Variants in CNTLN observed in about 807,000 individuals in gnomAD.
CNTLN encodes centlein.
A neutral mutation model predicts 180.0 loss-of-function variants in CNTLN; 212 were observed. That is an observed-to-expected ratio of 1.18 (90% CI 1.05 to 1.32). CNTLN has a LOEUF of 1.32. CNTLN is among the 40% of genes most tolerant of loss of function. CNTLN has a pLI of 0.00. For missense variants in CNTLN, 2,095 were observed against 1,610.9 expected (o/e 1.30, Z -5.14); for synonymous variants, 722 against 563.1 (o/e 1.28, Z -3.99).
intron 2 of CNTLN, among the ~76,000 whole-genome samples, chr9:17,173,042 G>A (rs563368629): frequency 6.6e-6 from 1 of 152,296 alleles, no homozygotes; most frequent in East Asian, 1.9e-4. Context: ...AATGGCTTCA[G>A]CATCAGTGAA....
At chr9:17,157,290 T>C (rs1819363586) in intron 2 of CNTLN, among the ~76,000 whole-genome samples, 1 of 152,212 alleles carries the variant, frequency 6.6e-6, no homozygotes, top group African/African-American at 2.4e-5. Context: ...CAAATATTAG[T>C]AATGATTTAT....
At chr9:17,250,734 T>C (rs1462021188) in intron 5 of CNTLN, among the ~76,000 whole-genome samples, 1 of 152,100 alleles carries the variant, frequency 6.6e-6, no homozygotes, top group Non-Finnish European at 1.5e-5. Context: ...ATGTAGTTTA[T>C]ATAGTTTTTA....
At chr9:17,350,740 C>G (rs1302969383) in intron 12 of CNTLN, among the ~76,000 whole-genome samples, 1 of 152,040 alleles carries the variant, frequency 6.6e-6, no homozygotes, top group Non-Finnish European at 1.5e-5. Context: ...TTTCAGATTT[C>G]TCATCTTAAA....
At chr9:17,361,108 C>T (rs950187030) in intron 12 of CNTLN, among the ~76,000 whole-genome samples, 9 of 151,960 alleles carry the variant, frequency 5.9e-5, no homozygotes, top group Non-Finnish European at 1.2e-4. Context: ...ATGTGCACAA[C>T]GTGCAGGTTT....
At chr9:17,290,854 G>C (rs1168897826) in intron 6 of CNTLN, among the ~76,000 whole-genome samples, 1 of 152,182 alleles carries the variant, frequency 6.6e-6, no homozygotes, top group Admixed American at 6.5e-5. Context: ...GCAATGCCTC[G>C]CCCTGCTTCG....
chr9:17,495,087 C>G (rs962882870), intron 25 of CNTLN: 4 of 355,746 alleles, frequency 1.1e-5, no homozygotes, highest in Non-Finnish European at 2.2e-5. Context: ...GCCATGTTGC[C>G]CAGGCTGGTC....
intron 18 of CNTLN, among the ~76,000 whole-genome samples, chr9:17,424,563 C>G (rs771165737): frequency 3.9e-5 from 6 of 152,116 alleles, no homozygotes; most frequent in Non-Finnish European, 7.4e-5. Flanking sequence ...TTTAGAAAGT[C>G]TGTTGAATGT....
intron 18 of CNTLN, among the ~76,000 whole-genome samples, chr9:17,421,246 C>G (rs1199006176): frequency 6.6e-6 from 1 of 152,126 alleles, no homozygotes; most frequent in African/African-American, 2.4e-5. Context: ...TATCTGAGTA[C>G]TCCGGTGCTG....
chr9:17,429,263 CT>C (rs1437858293), intron 18 of CNTLN, among the ~76,000 whole-genome samples: 1 of 152,034 alleles, frequency 6.6e-6, no homozygotes, highest in East Asian at 1.9e-4. Flanking sequence ...GACTTCTTAG[CT>C]GTAACAGAAG....
chr9:17,189,874 A>G (rs1821686548), intron 2 of CNTLN, among the ~76,000 whole-genome samples: 1 of 151,998 alleles, frequency 6.6e-6, no homozygotes, highest in Non-Finnish European at 1.5e-5. Flanking sequence ...GGGAACACGA[A>G]CTATTGTAAG....
intron 23 of CNTLN, among the ~76,000 whole-genome samples, chr9:17,468,686 A>G (rs1831888579): frequency 6.6e-6 from 1 of 151,788 alleles, no homozygotes; most frequent in Non-Finnish European, 1.5e-5. Flanking sequence ...ATATCTGATT[A>G]TCATATACTT....
chr9:17,270,863 C>G (rs969813783), intron 5 of CNTLN, among the ~76,000 whole-genome samples: 4 of 150,756 alleles, frequency 2.7e-5, no homozygotes, highest in Admixed American at 2.6e-4. Flanking sequence ...TGGCTCAAAA[C>G]TGAACAAGAT....
chr9:17,470,348 A>G (rs1461663087), intron 23 of CNTLN, among the ~76,000 whole-genome samples: 2 of 151,964 alleles, frequency 1.3e-5, no homozygotes, highest in Admixed American at 1.3e-4. Context: ...CATTATGATC[A>G]CCAGGACTCA....
intron 18 of CNTLN, among the ~76,000 whole-genome samples, chr9:17,445,213 A>G (rs921831018): frequency 6.6e-6 from 1 of 152,164 alleles, no homozygotes; most frequent in Non-Finnish European, 1.5e-5. Flanking sequence ...AATGATCAAC[A>G]TGATATGAAT....
At chr9:17,498,036 A>G (rs1833549906) in intron 25 of CNTLN, among the ~76,000 whole-genome samples, 2 of 152,166 alleles carry the variant, frequency 1.3e-5, no homozygotes, top group South Asian at 4.1e-4. Context: ...CACTTTCAAT[A>G]TAACTCTAGA....
At chr9:17,416,827 G>T (rs993653928) in intron 18 of CNTLN, among the ~76,000 whole-genome samples, 4 of 152,106 alleles carry the variant, frequency 2.6e-5, no homozygotes, top group Non-Finnish European at 4.4e-5. Context: ...CATTCTTTAC[G>T]CTATTTGCTT....
intron 2 of CNTLN, among the ~76,000 whole-genome samples, chr9:17,190,077 CTG>C (rs1821699921): frequency 6.6e-6 from 1 of 150,906 alleles, no homozygotes. Context: ...TTACTCCAGT[CTG>C]TGTCTGCACA....
rs779318420 is a variant in CNTLN at position 17,462,968 on chromosome 9, T to G, written c.3359T>G (p.Phe1120Cys). ...TCATCAAATGTGAAGACTTTGAAAT[T>G]TGAACTCCTAGCAAAAGAAGAACAC... ...KQSSNVKTLK[F>C]ELLAKEEHIK... Residue 1120 changes from phenylalanine (F) to cysteine (C), a missense_variant, in exon 20 of 26, where the codon TTT becomes TGT. Coordinates refer to ENST00000380647, the MANE Select transcript of CNTLN (RefSeq NM_017738.4). The G allele has an allele frequency of 6.3e-7, 1 of 1,584,442 alleles. No homozygotes were observed. The highest frequency in any genetic ancestry group is 1.4e-5 in the African/African-American group (1 of 72,426).
intron 2 of CNTLN, among the ~76,000 whole-genome samples, chr9:17,146,002 C>G (rs1160300008): frequency 1.3e-5 from 2 of 152,088 alleles, no homozygotes; most frequent in Non-Finnish European, 2.9e-5. Flanking sequence ...TACAGTAATG[C>G]TACCAAGGAG....
Sources: gnomAD v4.1 joint callset for allele counts (sites outside exome capture counted in the v4.1 genomes callset) on GRCh38, gnomAD v4.1.1 for gene constraint, MANE v1.5 for transcripts, NCBI Gene and HGNC (gene_info 2026-07-23, HGNC 2026-07-21) for gene names.